The following CHI3L2 variants were observed in gnomAD, a reference collection of about 807,000 sequenced individuals.
CHI3L2 encodes chitinase-3-like protein 2.
In CHI3L2, 47 loss-of-function variants were observed where a neutral mutation model predicts 47.3. The observed-to-expected ratio is 0.99, with a 90% confidence interval of 0.79 to 1.27. CHI3L2 has a LOEUF of 1.27. Among genes scored for constraint, CHI3L2 ranks in the 50% most tolerant of loss-of-function variants. CHI3L2 has a pLI of 0.00. For synonymous variants in CHI3L2, 198 were observed against 169.9 expected (o/e 1.17, Z -1.28); for missense variants, 497 against 462.1 (o/e 1.08, Z -0.69).
chr1:111,242,665 G>GTAACAAATTCTTGATGATTTT (rs1390338405), intron 10 of CHI3L2: 1 of 215,190 alleles, frequency 4.6e-6, no homozygotes, highest in Non-Finnish European at 9.2e-6. Context: ...CACAATTCTT[G>GTAACAAATTCTTGATGATTTT]GTTACAAAAT....
chr1:111,231,223 A>C lies in CHI3L2; in HGVS notation c.273-15A>C. On this transcript the variant is annotated splice_polypyrimidine_tract_variant and intron_variant, in intron 3 of 10. Coordinates refer to ENST00000369748, the MANE Select transcript of CHI3L2 (RefSeq NM_004000.3). ...CAGCCAGAAAATAAATAATCATCTT[A>C]TTCTTCTACTTCAGGAATCCCAAAC... 1 of 1,597,334 alleles carries C rather than the reference A, an allele frequency of 6.3e-7. No individual in the cohort carries two copies. Among genetic ancestry groups the C allele is most frequent in the African/African-American group, 1.3e-5 (1 of 74,636 alleles).
chr1:111,227,804 G>C (rs1659569735), intron 1 of CHI3L2, 35 bp downstream of exon 1: 2 of 1,596,754 alleles, frequency 1.3e-6, no homozygotes, highest in South Asian at 2.2e-5. Flanking sequence ...CAGGAAATTT[G>C]GTGAGGAAGG....
At chr1:111,232,515 C>T (rs1388487394) in intron 4 of CHI3L2, among the ~76,000 whole-genome samples, 2 of 152,054 alleles carry the variant, frequency 1.3e-5, no homozygotes, top group South Asian at 2.1e-4. Flanking sequence ...GTCTGTATGC[C>T]GCAGTTTTCT....
chr1:111,227,706 T>C (rs370098631), upstream of CHI3L2: 311 of 1,613,566 alleles, frequency 1.9e-4, no homozygotes, highest in Non-Finnish European at 2.5e-4. Flanking sequence ...AGAATGTGTA[T>C]CCCAGAAGAA....
In CHI3L2 at chr1:111,231,272, G is replaced by A. The variant is rs1659710976; in HGVS notation, c.307G>A (p.Gly103Arg). The change falls in exon 4 of 11, where the codon GGG (glycine) becomes AGG (arginine). Residue 103 changes from glycine (G) to arginine (R), a missense_variant. By Grantham distance (125) the Gly-to-Arg change is moderately radical (BLOSUM62 -2). Transcript: ENST00000369748. Reference sequence around the variant, plus strand: ...ACTGAAAATTCTCTTGTCCATTGGAGGGTACCTGTTTGGTTCCAAAGGGTA... The same window carrying A: ...ACTGAAAATTCTCTTGTCCATTGGAAGGTACCTGTTTGGTTCCAAAGGGTA... ...PKLKILLSIG[G>R]YLFGSKGFHP... 6.2e-7 allele frequency: 1 copy of A among 1,611,466 alleles called. No homozygotes were observed. The highest frequency in any genetic ancestry group is 1.1e-5 in the South Asian group (1 of 90,970).
At chr1:111,235,573 G>A in intron 5 of CHI3L2, 66 bp from the exon 6 acceptor site, 3 of 1,533,726 alleles carry the variant, frequency 2.0e-6, no homozygotes, top group Non-Finnish European at 2.6e-6. Context: ...ATAGATTCCA[G>A]GCAAGAAGCT....
intron 4 of CHI3L2, 96 bp from the exon 5 acceptor site, chr1:111,234,811 G>A: frequency 8.9e-7 from 1 of 1,129,824 alleles, no homozygotes; most frequent in Non-Finnish European, 1.3e-6. Flanking sequence ...TGAATATTGG[G>A]GAAGAGAAGA....
At chr1:111,240,718 T>C (rs1660022490) in intron 8 of CHI3L2, among the ~76,000 whole-genome samples, 2 of 152,244 alleles carry the variant, frequency 1.3e-5, no homozygotes, top group Admixed American at 1.3e-4. Flanking sequence ...CATTGTTTAA[T>C]TGAAGATTTA....
intron 10 of CHI3L2, 155 bp downstream of exon 10, chr1:111,242,521 C>A: frequency 1.5e-6 from 1 of 667,532 alleles, no homozygotes. Context: ...GCTGGTTCTG[C>A]CCTTTTCATA....
chr1:111,241,353 G>A lies in CHI3L2; in HGVS notation c.945G>A (p.Lys315=), dbSNP rs575736558. ...TCTGCCAGTTCCTGAAAGGAGCCAAGATCACGCGGCTCCAGGATCAGCAGG... is the reference window on the plus strand; with the variant it reads ...TCTGCCAGTTCCTGAAAGGAGCCAAAATCACGCGGCTCCAGGATCAGCAGG... ...YEICQFLKGA[K]ITRLQDQQVP... is the part of the protein sequence containing the mutation. The change falls in exon 9 of 11, where the codon AAG becomes AAA. Residue 315 remains lysine (K), a synonymous_variant. Coordinates refer to ENST00000369748, the MANE Select transcript of CHI3L2 (RefSeq NM_004000.3). 2.0e-5 allele frequency: 32 copies of A among 1,600,742 alleles called. No individual in the cohort carries two copies. Among genetic ancestry groups the A allele is most frequent in the Non-Finnish European group, 2.7e-5 (31 of 1,167,592 alleles).
rs1411426036 is a variant in CHI3L2, at chr1:111,241,111, C to T, written c.919-216C>T. On this transcript the variant is annotated intron_variant, in intron 8 of 10. Coordinates refer to ENST00000369748, the MANE Select transcript of CHI3L2 (RefSeq NM_004000.3). ...TTCTGATTTCTAGCTGCTGTGTCTC[C>T]TCCTGATGAGACTTTAGCACAGACA... Among the ~76,000 whole-genome samples the T allele has an allele frequency of 4.3e-4, 65 of 152,160 alleles. 2 individuals carry two copies. Among genetic ancestry groups the T allele is most frequent in the Non-Finnish European group, 4.4e-5 (3 of 68,032 alleles).
At chr1:111,231,129 C>A in intron 3 of CHI3L2, 109 bp from the exon 4 acceptor site, 2 of 1,068,658 alleles carry the variant, frequency 1.9e-6, no homozygotes, top group Non-Finnish European at 2.8e-6. Context: ...TTAGTTCAAA[C>A]AGCCAGGCCC....
chr1:111,234,306 T>C (rs1371159949), intron 4 of CHI3L2, among the ~76,000 whole-genome samples: 1 of 152,134 alleles, frequency 6.6e-6, no homozygotes, highest in Non-Finnish European at 1.5e-5. Flanking sequence ...CTGGGTTCTA[T>C]TCCAAAGGCA....
chr1:111,233,939 A>G (rs570728833), intron 4 of CHI3L2, among the ~76,000 whole-genome samples: 2 of 151,950 alleles, frequency 1.3e-5, no homozygotes, highest in African/African-American at 2.4e-5. Context: ...ACTCAGGGTT[A>G]AATGGATTAA....
Position 111,231,269 on chromosome 1 carries a change from G to A in CHI3L2, c.304G>A (p.Gly102Arg), listed in dbSNP as rs748973441. 3.7e-6 allele frequency: 6 copies of A among 1,611,520 alleles called. No homozygotes were observed. The highest frequency in any genetic ancestry group is 5.1e-6 in the Non-Finnish European group (6 of 1,177,984). ...CAAACTGAAAATTCTCTTGTCCATT[G>A]GAGGGTACCTGTTTGGTTCCAAAGG... ...NPKLKILLSI[G>R]GYLFGSKGFH... Residue 102 changes from glycine (G) to arginine (R), a missense_variant, in exon 4 of 11, where the codon GGA (glycine) becomes AGA (arginine). Coordinates refer to ENST00000369748, the MANE Select transcript of CHI3L2 (RefSeq NM_004000.3).
Position 111,241,367 on chromosome 1 carries a change from A to G in CHI3L2, c.959A>G (p.Gln320Arg), listed in dbSNP as rs1660050868. ...AAAGGAGCCAAGATCACGCGGCTCC[A>G]GGATCAGCAGGTTCCCTACGCAGTC... is the stretch of plus-strand genomic sequence containing the variant. ...FLKGAKITRL[Q>R]DQQVPYAVKG... Residue 320 changes from glutamine (Q) to arginine (R), a missense_variant, in exon 9 of 11, where the codon CAG becomes CGG. Physicochemically the swap from Gln to Arg is conservative, Grantham distance 43. Coordinates refer to ENST00000369748, the MANE Select transcript of CHI3L2 (RefSeq NM_004000.3). The G allele has an allele frequency of 6.2e-7, 1 of 1,607,976 alleles. No homozygotes were observed. The highest frequency in any genetic ancestry group is 8.5e-7 in the Non-Finnish European group (1 of 1,174,274).
chr1:111,241,727 A>G (rs2147786), intron 9 of CHI3L2, among the ~76,000 whole-genome samples: 37,910 of 152,042 alleles, frequency 0.25, 5,584 homozygotes, highest in Non-Finnish European at 0.34. Flanking sequence ...GAGAAGGGAG[A>G]GGGAATAAAG....
In CHI3L2 at chr1:111,230,788, C is replaced by G. The variant is rs764506892; in HGVS notation, c.117C>G (p.Asp39Glu). The G allele has an allele frequency of 2.5e-6, 4 of 1,614,130 alleles. No individual in the cohort carries two copies. The East Asian group carries it at 6.7e-5, about 27-fold the overall frequency. ...LVCYFTNWSQ[D>E]RQEPGKFTPE... ...GCTACTTTACCAACTGGTCCCAGGA[C>G]CGGCAGGAACCAGGAAAATTCACCC... Residue 39 changes from aspartate (D) to glutamate (E), a missense_variant, in exon 3 of 11, where the codon GAC becomes GAG. Coordinates refer to ENST00000369748, the MANE Select transcript of CHI3L2 (RefSeq NM_004000.3).
intron 1 of CHI3L2, chr1:111,229,555 G>T (rs1050296110): frequency 9.8e-6 from 2 of 204,388 alleles, no homozygotes; most frequent in East Asian, 1.2e-4. Context: ...AGTGGCGGGC[G>T]CCTGTAGTCC....
Sources: allele counts gnomAD v4.1 joint callset (sites outside exome capture counted in the v4.1 genomes callset), GRCh38; gene constraint gnomAD v4.1.1; transcripts MANE v1.5; gene names NCBI Gene and HGNC (gene_info 2026-07-23, HGNC 2026-07-21).